The following ZNF420 variants were observed in gnomAD, a reference collection of about 807,000 sequenced individuals.
The protein encoded by ZNF420 is ATM and p53-associated KZNF protein.
Under a neutral mutation model 44.7 loss-of-function variants are expected in ZNF420, and 31 were observed. The ratio of observed to expected loss-of-function variants is 0.69; its 90% CI spans 0.52 to 0.94. The LOEUF (loss-of-function observed/expected upper bound fraction) is 0.94. Ranked by LOEUF, ZNF420 falls within the 40% of genes least tolerant of loss-of-function variation. ZNF420 has a pLI of 0.00. For synonymous variants in ZNF420, 245 were observed against 267.4 expected, an observed-to-expected ratio of 0.92 and a Z score of 0.82; for missense variants, 681 against 827.9, an observed-to-expected ratio of 0.82 and a Z score of 2.18.
intron 1 of ZNF420, among the ~76,000 whole-genome samples, chr19:37,051,341 AT>A (rs1790162664): frequency 6.6e-6 from 1 of 152,070 alleles, no homozygotes; most frequent in Admixed American, 6.5e-5. Flanking sequence ...CTGTGAATCC[AT>A]CTGGTCCTGG....
At chr19:37,052,662 TTTTC>T (rs1233991487) in intron 1 of ZNF420, among the ~76,000 whole-genome samples, 5 of 152,240 alleles carry the variant, frequency 3.3e-5, no homozygotes, top group Non-Finnish European at 7.3e-5. Flanking sequence ...TTGGAAATTC[TTTTC>T]TTTAAGAATG....
intron 1 of ZNF420, among the ~76,000 whole-genome samples, chr19:37,047,267 A>G (rs1967558848): frequency 6.6e-6 from 1 of 152,240 alleles, no homozygotes; most frequent in African/African-American, 2.4e-5. Context: ...TTTAGGAAGT[A>G]ATTCAGTCAT....
intron 1 of ZNF420, among the ~76,000 whole-genome samples, chr19:37,033,877 C>T (rs977448034): frequency 1.3e-5 from 2 of 152,166 alleles, no homozygotes; most frequent in African/African-American, 4.8e-5. Flanking sequence ...CTGCCTCAGC[C>T]TCCTGAGTAG....
intron 1 of ZNF420, among the ~76,000 whole-genome samples, chr19:37,065,663 G>T (rs1158612051): frequency 1.3e-5 from 2 of 152,242 alleles, no homozygotes; most frequent in Non-Finnish European, 1.5e-5. Context: ...AAATAATGCA[G>T]CATTGCTGCC....
At chr19:37,075,470 C>T (rs1968129082), upstream of ZNF420, among the ~76,000 whole-genome samples, 1 of 151,992 alleles carries the variant, frequency 6.6e-6, no homozygotes, top group East Asian at 1.9e-4. Context: ...AGGCCGGGCG[C>T]GGTAGCTCAC....
chr19:37,013,638 G>T (rs2074588502), intron 1 of ZNF420, among the ~76,000 whole-genome samples: 2 of 152,204 alleles, frequency 1.3e-5, no homozygotes, highest in Admixed American at 1.3e-4. Flanking sequence ...GCAGGAATGG[G>T]GTTACAATCT....
intron 4 of ZNF420, among the ~76,000 whole-genome samples, chr19:37,117,169 C>A (rs1024478869): frequency 6.6e-6 from 1 of 150,964 alleles, no homozygotes; most frequent in Admixed American, 6.6e-5. Flanking sequence ...AAGTGGGTCC[C>A]TGACCCCCGA....
chr19:37,014,820 C>T (rs2074598032), intron 1 of ZNF420, among the ~76,000 whole-genome samples: 1 of 152,154 alleles, frequency 6.6e-6, no homozygotes, highest in Admixed American at 6.5e-5. Flanking sequence ...TGATGTCTCT[C>T]CTCTCTGAGG....
chr19:37,056,104 C>G (rs1047720161), intron 1 of ZNF420, among the ~76,000 whole-genome samples: 4 of 152,022 alleles, frequency 2.6e-5, no homozygotes, highest in Admixed American at 2.6e-4. Context: ...CTCTCTCTCT[C>G]TCTTTCTCTT....
At chr19:37,095,421 T>C (rs2146564802) in intron 4 of ZNF420, among the ~76,000 whole-genome samples, 1 of 152,316 alleles carries the variant, frequency 6.6e-6, no homozygotes, top group East Asian at 1.9e-4. Context: ...TGTTCTTTTT[T>C]TAACCTACAA....
intron 4 of ZNF420, among the ~76,000 whole-genome samples, chr19:37,111,946 G>A (rs749236010): frequency 9.2e-5 from 14 of 151,960 alleles, no homozygotes; most frequent in Non-Finnish European, 1.9e-4. Flanking sequence ...GTTAACATTC[G>A]CCATCTGCTG....
At chr19:37,118,668 G>A (rs1453700811) in intron 4 of ZNF420, among the ~76,000 whole-genome samples, 22 of 151,744 alleles carry the variant, frequency 1.4e-4, no homozygotes, top group Non-Finnish European at 2.6e-4. Flanking sequence ...AAAAGACACA[G>A]ACTGGCAAAT....
intron 1 of ZNF420, among the ~76,000 whole-genome samples, chr19:37,036,530 C>T (rs553041783): frequency 3.0e-4 from 46 of 152,324 alleles, no homozygotes; most frequent in Non-Finnish European, 3.7e-4. Context: ...TCCAGCCCTC[C>T]ACCCCTTCAG....
chr19:37,037,336 C>A lies in ZNF420; in HGVS notation c.-125+29254C>A, dbSNP rs575534882. Among the ~76,000 whole-genome samples the A allele has an allele frequency of 1.1e-4, 17 of 152,266 alleles. No homozygotes were observed. In the East Asian group the frequency reaches 3.3e-3, roughly 29 times the overall value. On this transcript the variant is annotated intron_variant, in intron 1 of 4. Transcript: ENST00000587029. ...AGGATTCAGGGCAGGGGTCCTCTTG[C>A]CGAGATGGATGGCTACGATTGCTCA...
At chr19:37,086,363 GACT>G (rs1214247797) in intron 2 of ZNF420, among the ~76,000 whole-genome samples, 1 of 152,122 alleles carries the variant, frequency 6.6e-6, no homozygotes, top group Non-Finnish European at 1.5e-5. Context: ...TAAATTAAGT[GACT>G]ACTAAGTGAT....
At chr19:37,091,564 A>G (rs534194249) in intron 4 of ZNF420, 1 of 152,740 alleles carries the variant, frequency 6.5e-6, no homozygotes, top group East Asian at 1.9e-4. Context: ...AACAACTCAA[A>G]TGAAGACAAC....
chr19:37,047,113 C>G (rs1009344314), intron 1 of ZNF420, among the ~76,000 whole-genome samples: 2 of 152,092 alleles, frequency 1.3e-5, no homozygotes, highest in South Asian at 4.1e-4. Flanking sequence ...TATGATTTAT[C>G]CAATTTTGTG....
intron 1 of ZNF420, among the ~76,000 whole-genome samples, chr19:37,032,037 C>G (rs1454013320): frequency 6.6e-6 from 1 of 151,842 alleles, no homozygotes; most frequent in Non-Finnish European, 1.5e-5. Context: ...ATGGTGAAAC[C>G]CCATCTCTAC....
chr19:37,046,585 G>T (rs1967545422), intron 1 of ZNF420, among the ~76,000 whole-genome samples: 1 of 152,182 alleles, frequency 6.6e-6, no homozygotes, highest in Non-Finnish European at 1.5e-5. Context: ...CAGGGTAGTA[G>T]TTACCGCTGG....
Sources: gnomAD v4.1 joint callset for allele counts (sites outside exome capture counted in the v4.1 genomes callset) on GRCh38, gnomAD v4.1.1 for gene constraint, MANE v1.5 for transcripts, NCBI Gene and HGNC (gene_info 2026-07-23, HGNC 2026-07-21) for gene names.